PI4KB: variants seen among roughly 807,000 people sequenced by gnomAD.
PI4KB encodes the protein PtdIns 4-kinase beta.
Under a neutral mutation model 81.4 loss-of-function variants are expected in PI4KB, and 23 were observed. The observed-to-expected ratio is 0.28, with a 90% CI of 0.20 to 0.40. The LOEUF (loss-of-function observed/expected upper bound fraction) is 0.40, where lower values mean the gene tolerates loss of function less well. Ranked by LOEUF, PI4KB falls within the 10% of genes least tolerant of loss-of-function variation. The probability of loss-of-function intolerance (pLI) is 1.00; values close to 1 mark genes in which losing one functional copy is unlikely to be tolerated. For synonymous variants in PI4KB, 381 were observed against 406.8 expected (o/e 0.94, Z 0.76); for missense variants, 651 against 1,036.6 (o/e 0.63, Z 5.11).
In PI4KB at chr1:151,292,212, C is replaced by CAGGGT. The variant is rs1694338057; in HGVS notation, c.*635_*639dup. The CAGGGT allele has an allele frequency of 1.3e-5, 2 of 152,340 alleles. No homozygotes were observed. The highest frequency in any genetic ancestry group is 1.5e-5 in the Non-Finnish European group (1 of 68,056). The allele number at this position is 152,340 out of a possible 1,614,324, so 9.4% of individuals were successfully genotyped here. A position where few individuals can be genotyped will look rare whatever the true frequency, so the allele number is the denominator to read the frequency against. On this transcript the variant is annotated 3_prime_UTR_variant, in exon 12 of 12. Coordinates refer to ENST00000368873, the MANE Select transcript of PI4KB (RefSeq NM_001369623.2). ...TTTTCCCTGGGTTTGGGGAAGGAGTCAGGGTAGGGAATTCCACATGGCTAG... is the reference window on the plus strand; with the variant it reads ...TTTTCCCTGGGTTTGGGGAAGGAGTCAGGGTAGGGTAGGGAATTCCACATGGCTAG...
intron 1 of PI4KB, among the ~76,000 whole-genome samples, chr1:151,318,696 A>C (rs1188264665): frequency 1.3e-5 from 2 of 149,680 alleles, no homozygotes; most frequent in African/African-American, 2.5e-5. Flanking sequence ...TGGGCAACAG[A>C]GCGAAACTCT....
rs1203523259 is a variant in PI4KB at position 151,292,583 on chromosome 1, G to C, written c.*269C>G. On this transcript the variant is annotated 3_prime_UTR_variant, in exon 12 of 12. Transcript: ENST00000368873. ...ACATTTGTCACCTCTGTTTTCTGGA[G>C]GGCAGTGAGTCCTGGAGTCAGTCTG... 2.3e-6 allele frequency: 1 copy of C among 436,784 alleles called. No homozygotes were observed. Among genetic ancestry groups the C allele is most frequent in the Non-Finnish European group, 4.1e-6 (1 of 242,620 alleles). 27.1% of individuals were successfully genotyped at this position (436,784 alleles called of 1,614,324 possible). A position where few individuals can be genotyped will look rare whatever the true frequency, so the allele number is the denominator to read the frequency against.
chr1:151,300,436 A>G (rs587723509), intron 8 of PI4KB, among the ~76,000 whole-genome samples: 10 of 152,060 alleles, frequency 6.6e-5, no homozygotes, highest in Admixed American at 1.3e-4. Context: ...GAGAAACCCT[A>G]TCTCTACTAA....
intron 11 of PI4KB, chr1:151,293,412 C>T (rs1694483356): frequency 1.0e-5 from 13 of 1,280,898 alleles, no homozygotes; most frequent in Non-Finnish European, 1.3e-5. Context: ...ATGACCTGGG[C>T]CACCGTCATC....
intron 1 of PI4KB, among the ~76,000 whole-genome samples, chr1:151,318,346 G>A (rs932295718): frequency 1.3e-5 from 2 of 151,566 alleles, no homozygotes; most frequent in African/African-American, 4.9e-5. Context: ...GAACCTGGGA[G>A]GTGGAGGTTG....
chr1:151,302,995 G>GTTTTTTT (rs775167343), intron 6 of PI4KB, among the ~76,000 whole-genome samples: 6 of 107,140 alleles, frequency 5.6e-5, no homozygotes, highest in Non-Finnish European at 7.7e-5. Context: ...GTGCTTTCTT[G>GTTTTTTT]TTTTTTTTTT....
intron 1 of PI4KB, chr1:151,326,131 CA>C: frequency 6.3e-7 from 1 of 1,599,030 alleles, no homozygotes; most frequent in Non-Finnish European, 8.6e-7. Context: ...ATTCCTTTAA[CA>C]AAAGCCTAAA....
At chr1:151,298,744 C>T in intron 9 of PI4KB, 64 bp downstream of exon 9, 4 of 1,535,072 alleles carry the variant, frequency 2.6e-6, no homozygotes, top group Admixed American at 1.7e-5. Flanking sequence ...TAATTGAGAA[C>T]TACACACGAA....
At chr1:151,310,886 G>C (rs1696163035) in intron 2 of PI4KB, among the ~76,000 whole-genome samples, 1 of 152,098 alleles carries the variant, frequency 6.6e-6, no homozygotes, top group African/African-American at 2.4e-5. Context: ...TCTCTGGGCT[G>C]GATGCTGATG....
intron 1 of PI4KB, chr1:151,324,987 G>GAT: frequency 1.7e-6 from 1 of 601,472 alleles, no homozygotes; most frequent in Non-Finnish European, 2.1e-6. Flanking sequence ...GAGGAAAGCT[G>GAT]CTTTTTTTTT....
chr1:151,326,171 C>T, intron 1 of PI4KB: 1 of 1,613,172 alleles, frequency 6.2e-7, no homozygotes, highest in Non-Finnish European at 8.5e-7. Flanking sequence ...AGTTTTCTCA[C>T]AATCTCATTC....
At chr1:151,326,448 G>A (rs970446355) in intron 1 of PI4KB, 5 of 430,684 alleles carry the variant, frequency 1.2e-5, no homozygotes, top group Non-Finnish European at 2.0e-5. Context: ...CAGAACAAAT[G>A]TCACAAGGAT....
At chr1:151,327,490 C>G (rs1294718386), upstream of PI4KB, 1 of 396,530 alleles carries the variant, frequency 2.5e-6, no homozygotes, top group African/African-American at 2.1e-5. Context: ...ACAACCTCTT[C>G]TTCCTCCCTC....
chr1:151,299,028 T>C lies in PI4KB; in HGVS notation c.1795A>G (p.Lys599Glu). The C allele has an allele frequency of 6.2e-7, 1 of 1,614,134 alleles. No individual in the cohort carries two copies. Among genetic ancestry groups the C allele is most frequent in the Non-Finnish European group, 8.5e-7 (1 of 1,179,982 alleles). ...CTATCAGCCGAAATCACAAGAATCT[T>C]GTATGGCTTGATCCAAAGGGGCACT... ...ERVPLWIKPY[K>E]ILVISADSGM... The change falls in exon 9 of 12, where the codon AAG (lysine) becomes GAG (glutamate). Residue 599 changes from lysine to glutamate, a missense_variant. Physicochemically the swap from Lys to Glu is moderately conservative, Grantham distance 56. Coordinates refer to ENST00000368873, the MANE Select transcript of PI4KB (RefSeq NM_001369623.2).
At position 151,310,991 on chromosome 1, in the gene PI4KB, A is replaced by G. The variant is rs1374132438; in HGVS notation, c.910-736T>C. 3.9e-5 allele frequency among the ~76,000 whole-genome samples: 6 copies of G among 152,210 alleles called. No homozygotes were observed. In the South Asian group the frequency reaches 6.2e-4, roughly 16 times the overall value. On this transcript the variant is annotated intron_variant, in intron 2 of 11. Transcript: ENST00000368873. ...CAATCAATATACTACAATTTTTGAT[A>G]TAAGTTGGGGAGTTAGCTATATCCA...
chr1:151,303,148 G>A (rs983449870), intron 6 of PI4KB, among the ~76,000 whole-genome samples: 6 of 151,206 alleles, frequency 4.0e-5, no homozygotes, highest in South Asian at 4.2e-4. Context: ...ACAGGCATCC[G>A]CCACCACGCC....
chr1:151,294,678 A>G (rs587627376), intron 9 of PI4KB, 137 bp from the exon 10 acceptor site: 4 of 693,846 alleles, frequency 5.8e-6, no homozygotes, highest in East Asian at 2.7e-5. Context: ...CGTAACTCCA[A>G]TCTCCTGTCC....
intron 2 of PI4KB, among the ~76,000 whole-genome samples, chr1:151,313,318 C>T (rs955770170): frequency 6.6e-6 from 1 of 152,110 alleles, no homozygotes; most frequent in Admixed American, 6.5e-5. Flanking sequence ...GTTGGAAGAA[C>T]GGCAGCTACA....
chr1:151,303,708 C>T (rs997092301), intron 5 of PI4KB, 58 bp from the exon 6 acceptor site: 44 of 1,066,186 alleles, frequency 4.1e-5, no homozygotes, highest in South Asian at 1.9e-4. Flanking sequence ...CGTCTTTCCC[C>T]TCCTGCTTGC....
Sources: allele counts gnomAD v4.1 joint callset (sites outside exome capture counted in the v4.1 genomes callset), GRCh38; gene constraint gnomAD v4.1.1; transcripts MANE v1.5; gene names NCBI Gene and HGNC (gene_info 2026-07-23, HGNC 2026-07-21).